The following DOCK1 variants were observed in gnomAD, a reference collection of about 807,000 sequenced individuals.
DOCK1 encodes dedicator of cytokinesis 1.
A neutral mutation model predicts 262.7 loss-of-function variants in DOCK1; 138 were observed. That is an observed-to-expected ratio of 0.53 (90% CI 0.46 to 0.61). The LOEUF (loss-of-function observed/expected upper bound fraction) is 0.61, where lower values mean the gene tolerates loss of function less well. DOCK1 is among the 20% of genes least tolerant of loss of function. The pLI is 0.00. For synonymous variants in DOCK1, 866 were observed against 867.4 expected (o/e 1.00, Z 0.03); for missense variants, 1,908 against 2,370.7 (o/e 0.80, Z 4.05).
chr10:127,303,293 C>G (rs2061753265), intron 29 of DOCK1, among the ~76,000 whole-genome samples: 1 of 152,088 alleles, frequency 6.6e-6, no homozygotes, highest in Non-Finnish European at 1.5e-5. Context: ...TGAAAACAGG[C>G]CAATGACTTA....
At chr10:127,076,692 C>T (rs1320712001) in intron 23 of DOCK1, among the ~76,000 whole-genome samples, 1 of 152,168 alleles carries the variant, frequency 6.6e-6, no homozygotes, top group East Asian at 1.9e-4. Context: ...GAATCCTTGC[C>T]TTCCCACCTC....
intron 12 of DOCK1, 29 bp from the exon 13 acceptor site, chr10:127,018,681 C>A (rs770161078): frequency 1.2e-6 from 2 of 1,613,642 alleles, no homozygotes; most frequent in Admixed American, 1.7e-5. Context: ...GGATAAAATG[C>A]GACTTAAGAG....
intron 38 of DOCK1, among the ~76,000 whole-genome samples, chr10:127,396,541 T>C (rs1262295276): frequency 6.6e-6 from 1 of 152,150 alleles, no homozygotes; most frequent in Non-Finnish European, 1.5e-5. Context: ...GCTGTTCCTC[T>C]CCTCCTGTTG....
chr10:127,432,114 T>C (rs2069332473), intron 47 of DOCK1, among the ~76,000 whole-genome samples: 3 of 152,232 alleles, frequency 2.0e-5, no homozygotes, highest in African/African-American at 7.2e-5. Flanking sequence ...CCTGCTGGTC[T>C]GTGGAAAAAT....
intron 23 of DOCK1, among the ~76,000 whole-genome samples, chr10:127,102,819 G>A (rs933595922): frequency 1.1e-4 from 17 of 152,116 alleles, no homozygotes; most frequent in Admixed American, 5.9e-4. Context: ...CAGCCCAGGC[G>A]GAAGAGTGAA....
chr10:127,398,212 A>G (rs956849809), intron 38 of DOCK1, among the ~76,000 whole-genome samples: 2 of 152,226 alleles, frequency 1.3e-5, no homozygotes, highest in African/African-American at 4.8e-5. Context: ...CTGCACCCAC[A>G]TCAGTCAGTG....
intron 29 of DOCK1, among the ~76,000 whole-genome samples, chr10:127,329,854 AT>A (rs1198307650): frequency 2.0e-5 from 3 of 152,126 alleles, no homozygotes; most frequent in African/African-American, 7.2e-5. Context: ...GCCTTATGAT[AT>A]TGAAAACACA....
chr10:127,022,052 T>G (rs7082259), intron 13 of DOCK1, among the ~76,000 whole-genome samples: 6,927 of 152,220 alleles, frequency 0.046, 217 homozygotes, highest in Non-Finnish European at 0.068. Context: ...CTAATGAAGC[T>G]TGTGAAGTTC....
chr10:127,415,930 A>G (rs116634820), intron 44 of DOCK1, among the ~76,000 whole-genome samples: 1,923 of 152,280 alleles, frequency 0.013, 32 homozygotes, highest in African/African-American at 0.044. Flanking sequence ...GTTTTTGTTC[A>G]TGTGTCTCAG....
chr10:127,195,524 C>A (rs1275629656), intron 27 of DOCK1, among the ~76,000 whole-genome samples: 1 of 112,744 alleles, frequency 8.9e-6, no homozygotes, highest in Non-Finnish European at 2.2e-5. Context: ...TCCAACTCAT[C>A]CCCCCCCCGA....
chr10:127,196,369 T>C lies in DOCK1; in HGVS notation c.2848-51639T>C, dbSNP rs1361984695. Among the ~76,000 whole-genome samples, 3 of 148,750 alleles carry C rather than the reference T, an allele frequency of 2.0e-5. No homozygotes were observed. In the East Asian group the frequency reaches 5.9e-4, roughly 29 times the overall value. The stretch of plus-strand genomic sequence containing the variant: ...CGGAGCCAGCCACAGCCACCCGGCT[T>C]CGCGCTCCTCCGATGTCCTCATTTA... On this transcript the variant is annotated intron_variant, in intron 27 of 51. Transcript: ENST00000623213.
intron 7 of DOCK1, among the ~76,000 whole-genome samples, chr10:126,997,238 C>G (rs1386811215): frequency 6.6e-6 from 1 of 152,108 alleles, no homozygotes; most frequent in East Asian, 1.9e-4. Context: ...GAGTACATGT[C>G]TTATTGTCTT....
chr10:126,929,969 T>G (rs2034065113), intron 1 of DOCK1, among the ~76,000 whole-genome samples: 1 of 152,174 alleles, frequency 6.6e-6, no homozygotes, highest in South Asian at 2.1e-4. Flanking sequence ...TTCTTCTTTT[T>G]TTTCCTCTTC....
At chr10:126,937,518 T>C (rs2034635079) in intron 1 of DOCK1, among the ~76,000 whole-genome samples, 2 of 152,032 alleles carry the variant, frequency 1.3e-5, no homozygotes, top group East Asian at 3.9e-4. Flanking sequence ...TTTCTGTTTT[T>C]TTTTTTGTCT....
At chr10:127,006,728 C>G (rs1408578000) in intron 10 of DOCK1, among the ~76,000 whole-genome samples, 1 of 152,168 alleles carries the variant, frequency 6.6e-6, no homozygotes, top group African/African-American at 2.4e-5. Context: ...TTGTTTGCTG[C>G]CTTCCTGCAC....
chr10:126,960,450 G>A (rs891620129), intron 1 of DOCK1, among the ~76,000 whole-genome samples: 5,893 of 151,142 alleles, frequency 0.039, 152 homozygotes, highest in African/African-American at 0.07. Flanking sequence ...TTGTCGGGAT[G>A]TGCAAGGCTG....
At chr10:127,260,970 T>G (rs1489855422) in intron 29 of DOCK1, among the ~76,000 whole-genome samples, 1 of 44,566 alleles carries the variant, frequency 2.2e-5, no homozygotes. Context: ...TGCATGTGGG[T>G]GTGTGTGTGT....
In DOCK1 at chr10:127,447,511, C is replaced by T. The variant is rs750265827; in HGVS notation, c.5531C>T (p.Ser1844Leu). The change falls in exon 51 of 52, where the codon TCG becomes TTG. Residue 1844 changes from serine (S) to leucine (L), a missense_variant. By Grantham distance (145) the Ser-to-Leu change is moderately radical. Around this residue, in one of 9 missense-constraint regions of DOCK1, gnomAD observed 383 missense variants for 420.1 expected, o/e 0.91. Coordinates refer to ENST00000623213, the MANE Select transcript of DOCK1 (RefSeq NM_001290223.2). ...NLMENQDLLG[S>L]PTPPPPPPHQ... is the part of the protein sequence containing the mutation. Reference sequence around the variant, plus strand: ...ATGGAAAACCAGGACTTGCTGGGCTCGCCAACACCTCCACCTCCCCCTCCA... The same window carrying T: ...ATGGAAAACCAGGACTTGCTGGGCTTGCCAACACCTCCACCTCCCCCTCCA... 47 of 1,613,758 alleles carry T rather than the reference C, an allele frequency of 2.9e-5. No individual in the cohort carries two copies. The highest frequency in any genetic ancestry group is 1.9e-4 in the South Asian group (17 of 91,040).
At chr10:126,908,128 G>A (rs1412617184) in intron 1 of DOCK1, among the ~76,000 whole-genome samples, 2 of 152,112 alleles carry the variant, frequency 1.3e-5, no homozygotes, top group African/African-American at 4.8e-5. Context: ...CCCCCATCAG[G>A]GAGGGTGGGA....
Sources: gnomAD v4.1 joint callset for allele counts (sites outside exome capture counted in the v4.1 genomes callset) on GRCh38, gnomAD v4.1.1 for gene constraint, gnomAD v4.1.1 regional missense constraint, MANE v1.5 for transcripts, NCBI Gene and HGNC (gene_info 2026-07-23, HGNC 2026-07-21) for gene names.